The following ADCY1 variants were observed in gnomAD, a reference collection of about 807,000 sequenced individuals.
ADCY1 encodes the protein adenylate cyclase type 1.
Under a neutral mutation model 105.4 loss-of-function variants are expected in ADCY1, and 28 were observed. That is an observed-to-expected ratio of 0.27 (90% CI 0.20 to 0.36). The LOEUF is 0.36. Ranked by LOEUF, ADCY1 falls within the 10% of genes least tolerant of loss-of-function variation. The probability of loss-of-function intolerance (pLI) is 1.00; values close to 1 mark genes in which losing one functional copy is unlikely to be tolerated. For missense variants in ADCY1, 977 were observed against 1,434.2 expected (o/e 0.68, Z 5.15); for synonymous variants, 655 against 623.8 (o/e 1.05, Z -0.75).
At chr7:45,652,697 G>A (rs1474119652) in intron 5 of ADCY1, among the ~76,000 whole-genome samples, 1 of 152,166 alleles carries the variant, frequency 6.6e-6, no homozygotes, top group African/African-American at 2.4e-5. Context: ...AAATGCCTGT[G>A]GGCCTAGTGA....
chr7:45,652,161 TTCAC>T (rs1212321276), intron 5 of ADCY1, among the ~76,000 whole-genome samples: 1 of 152,026 alleles, frequency 6.6e-6, no homozygotes, highest in Non-Finnish European at 1.5e-5. Context: ...CTCGTGAGAA[TTCAC>T]TCACTATCAT....
chr7:45,657,348 G>A (rs973889236), intron 5 of ADCY1, among the ~76,000 whole-genome samples: 5 of 152,264 alleles, frequency 3.3e-5, no homozygotes, highest in Non-Finnish European at 5.9e-5. Context: ...GCCTCACAGA[G>A]CCTTATGTTA....
At chr7:45,698,946 A>G (rs1474643586) in intron 14 of ADCY1, among the ~76,000 whole-genome samples, 1 of 152,248 alleles carries the variant, frequency 6.6e-6, no homozygotes, top group Non-Finnish European at 1.5e-5. Flanking sequence ...ATTGATAGAA[A>G]AAAACTGGAC....
At chr7:45,621,449 G>A (rs930467968) in intron 3 of ADCY1, among the ~76,000 whole-genome samples, 1 of 152,164 alleles carries the variant, frequency 6.6e-6, no homozygotes, top group African/African-American at 2.4e-5. Context: ...TGTTGAATAA[G>A]CAAGTGAATA....
chr7:45,598,086 G>A (rs575963940), intron 2 of ADCY1, among the ~76,000 whole-genome samples: 1 of 152,338 alleles, frequency 6.6e-6, no homozygotes, highest in South Asian at 2.1e-4. Context: ...TGAGTTGTCA[G>A]ATCTCTTTAA....
chr7:45,681,779 G>T (rs1379279266), intron 11 of ADCY1, among the ~76,000 whole-genome samples: 1 of 152,240 alleles, frequency 6.6e-6, no homozygotes, highest in Non-Finnish European at 1.5e-5. Flanking sequence ...AAGCCAGCAG[G>T]GGATAGGTCA....
At chr7:45,658,709 G>A (rs1408540977) in intron 6 of ADCY1, among the ~76,000 whole-genome samples, 2 of 152,242 alleles carry the variant, frequency 1.3e-5, no homozygotes, top group African/African-American at 4.8e-5. Flanking sequence ...GCTGAACACA[G>A]GAATGCACAG....
intron 1 of ADCY1, among the ~76,000 whole-genome samples, chr7:45,587,672 A>T (rs1442599268): frequency 6.6e-6 from 1 of 152,106 alleles, no homozygotes; most frequent in Non-Finnish European, 1.5e-5. Context: ...GGGCTCCTCC[A>T]GGGTGCTAGT....
At chr7:45,626,553 C>G (rs576104305) in intron 4 of ADCY1, among the ~76,000 whole-genome samples, 112 of 152,318 alleles carry the variant, frequency 7.4e-4, no homozygotes, top group Middle Eastern at 3.4e-3. Flanking sequence ...ATTCTGCCAG[C>G]TGAGAGCTCC....
intron 2 of ADCY1, among the ~76,000 whole-genome samples, chr7:45,593,301 T>C (rs971051960): frequency 6.6e-6 from 1 of 152,196 alleles, no homozygotes; most frequent in Non-Finnish European, 1.5e-5. Flanking sequence ...CTTGGCTCAG[T>C]GTGGCCGACC....
At chr7:45,663,277 G>A (rs755575347) in intron 8 of ADCY1, among the ~76,000 whole-genome samples, 5 of 152,258 alleles carry the variant, frequency 3.3e-5, no homozygotes, top group African/African-American at 1.2e-4. Context: ...GGAGTTAGGC[G>A]TCAGGTGGGA....
intron 2 of ADCY1, among the ~76,000 whole-genome samples, chr7:45,593,252 G>T (rs1792979243): frequency 6.6e-6 from 1 of 152,200 alleles, no homozygotes; most frequent in African/African-American, 2.4e-5. Flanking sequence ...CGTGCAGGTG[G>T]CCCTGATCCA....
chr7:45,687,090 C>T (rs1784694581), intron 14 of ADCY1, among the ~76,000 whole-genome samples: 1 of 152,176 alleles, frequency 6.6e-6, no homozygotes, highest in African/African-American at 2.4e-5. Flanking sequence ...CTCTCACCAC[C>T]TACTCCAAAT....
Position 45,710,681 on chromosome 7 carries a change from T to C in ADCY1, c.3057+29T>C. ...AGTTCACCAAGAAACCCCTAAGGCA[T>C]GGGTGCCCATTCTTCAGGTGAGGAA... On this transcript the variant is annotated intron_variant, in intron 19 of 19. Transcript: ENST00000297323. This position sits in a 1 kb window ranked among gnomAD's most constrained non-coding sequence, Gnocchi z 4.7. 6.3e-7 allele frequency: 1 copy of C among 1,595,014 alleles called. No homozygotes were observed. Among genetic ancestry groups the C allele is most frequent in the African/African-American group, 1.3e-5 (1 of 74,274 alleles).
At chr7:45,620,511 A>G (rs1793862465) in intron 3 of ADCY1, among the ~76,000 whole-genome samples, 1 of 152,218 alleles carries the variant, frequency 6.6e-6, no homozygotes, top group Non-Finnish European at 1.5e-5. Flanking sequence ...GGGCAGAAAG[A>G]ATATCTGAAG....
chr7:45,614,132 TGTA>T (rs1371116812), intron 3 of ADCY1, among the ~76,000 whole-genome samples: 9 of 152,316 alleles, frequency 5.9e-5, no homozygotes, highest in African/African-American at 1.4e-4. Context: ...TTACTGTAAT[TGTA>T]GTGCATAAAT....
In ADCY1 at chr7:45,694,643, TA is replaced by T. The variant is rs551043239; in HGVS notation, c.2454+7971del. On this transcript the variant is annotated intron_variant, in intron 14 of 19. Coordinates refer to ENST00000297323, the MANE Select transcript of ADCY1 (RefSeq NM_021116.4). Reference sequence around the variant, plus strand: ...AAGGAATAAAATAACAAGGAAGTATTATAATCAATTTTATCTCAATAAAATT... The same window carrying T: ...AAGGAATAAAATAACAAGGAAGTATTTAATCAATTTTATCTCAATAAAATT... 7.0e-4 allele frequency among the ~76,000 whole-genome samples: 106 copies of T among 152,302 alleles called. 1 individual carries two copies. Among genetic ancestry groups the T allele is most frequent in the African/African-American group, 2.5e-3 (105 of 41,566 alleles).
chr7:45,600,012 G>T (rs1244665093), intron 2 of ADCY1, among the ~76,000 whole-genome samples: 1 of 152,212 alleles, frequency 6.6e-6, no homozygotes, highest in Non-Finnish European at 1.5e-5. Flanking sequence ...GGACACACTG[G>T]TCTTCTTGGT....
intron 11 of ADCY1, among the ~76,000 whole-genome samples, chr7:45,683,764 C>T (rs1255921554): frequency 2.0e-5 from 3 of 152,176 alleles, no homozygotes; most frequent in African/African-American, 7.2e-5. Flanking sequence ...GTAACTTGGC[C>T]CACAGGTAGG....
Sources: gnomAD v4.1 joint callset for allele counts (sites outside exome capture counted in the v4.1 genomes callset) on GRCh38, gnomAD v4.1.1 for gene constraint, Gnocchi (gnomAD v3.1) non-coding constraint, MANE v1.5 for transcripts, NCBI Gene and HGNC (gene_info 2026-07-23, HGNC 2026-07-21) for gene names.